ZDHHC3: variants seen among roughly 807,000 people sequenced by gnomAD.
ZDHHC3 encodes zDHHC palmitoyltransferase 3.
ZDHHC3 carries 9 observed loss-of-function variants against 30.6 expected under a neutral mutation model. The ratio of observed to expected loss-of-function variants is 0.29; its 90% CI spans 0.18 to 0.51. The LOEUF is 0.51. ZDHHC3 is among the 20% of genes least tolerant of loss of function. ZDHHC3 has a pLI of 0.97. For synonymous variants in ZDHHC3, 136 were observed against 140.2 expected (o/e 0.97, Z 0.21); for missense variants, 246 against 384.2 (o/e 0.64, Z 3.01).
In ZDHHC3 at chr3:44,962,638, C is replaced by A. The variant is rs539534859; in HGVS notation, c.-24-3178G>T. Among the ~76,000 whole-genome samples the A allele has an allele frequency of 1.1e-4, 17 of 152,298 alleles. No individual in the cohort carries two copies. In the South Asian group the frequency reaches 3.5e-3, roughly 32 times the overall value. ...TATTTAGAGTTATTACCAGGAACAT[C>A]ACCTACTGGAGTGTGTTAGGTAATG... On this transcript the variant is annotated intron_variant, in intron 1 of 6. Coordinates refer to ENST00000424952, the MANE Select transcript of ZDHHC3 (RefSeq NM_001135179.2).
chr3:44,917,951 CCATT>C lies in ZDHHC3; in HGVS notation c.*8734_*8737del. 1 of 1,305,366 alleles carries C rather than the reference CCATT, an allele frequency of 7.7e-7. No individual in the cohort carries two copies. The highest frequency in any genetic ancestry group is 1.2e-5 in the South Asian group (1 of 81,030). 80.9% of individuals were successfully genotyped at this position (1,305,366 alleles called of 1,614,324 possible). ...TCCTTTGTCTCCTCTGATGGATCCTCCATTGTTTCGGTGTCTGACAGCGATGTCA... is the reference window on the plus strand; with the variant it reads ...TCCTTTGTCTCCTCTGATGGATCCTCGTTTCGGTGTCTGACAGCGATGTCA... On this transcript the variant is annotated 3_prime_UTR_variant, in exon 7 of 7. Transcript: ENST00000424952.
intron 1 of ZDHHC3, among the ~76,000 whole-genome samples, chr3:44,962,621 G>A (rs186047272): frequency 6.6e-6 from 1 of 152,242 alleles, no homozygotes; most frequent in Admixed American, 6.5e-5. Flanking sequence ...TTTATTTAGA[G>A]TTATTACCAG....
At chr3:44,952,016 C>A (rs1004209202) in intron 2 of ZDHHC3, among the ~76,000 whole-genome samples, 1 of 152,214 alleles carries the variant, frequency 6.6e-6, no homozygotes, top group African/African-American at 2.4e-5. Flanking sequence ...TCTACTTCCA[C>A]CATCACTCGG....
chr3:44,931,046 T>C (rs1348507604), intron 5 of ZDHHC3, among the ~76,000 whole-genome samples: 1 of 152,200 alleles, frequency 6.6e-6, no homozygotes, highest in Admixed American at 6.5e-5. Flanking sequence ...GTTTGATAGG[T>C]GCCTCTCCCA....
At position 44,920,036 on chromosome 3, in the gene ZDHHC3, G is replaced by A. The variant is rs1235312789; in HGVS notation, c.*6653C>T. ...TGACATTAGAACATTTGTCTGAGTG[G>A]TTACTTTTGGGGATGGAATTCTAGA... On this transcript the variant is annotated 3_prime_UTR_variant, in exon 7 of 7. Coordinates refer to ENST00000424952, the MANE Select transcript of ZDHHC3 (RefSeq NM_001135179.2). The A allele has an allele frequency of 9.4e-6, 11 of 1,175,946 alleles. No homozygotes were observed. Among genetic ancestry groups the A allele is most frequent in the African/African-American group, 3.2e-5 (2 of 62,390 alleles). The allele number at this position is 1,175,946 out of a possible 1,614,324, so 72.8% of individuals were successfully genotyped here. A position where few individuals can be genotyped will look rare whatever the true frequency, so the allele number is the denominator to read the frequency against.
At chr3:44,929,882 T>G (rs1411766292) in intron 5 of ZDHHC3, among the ~76,000 whole-genome samples, 4 of 152,318 alleles carry the variant, frequency 2.6e-5, no homozygotes, top group African/African-American at 9.6e-5. Context: ...CATTCCTGTA[T>G]GACGTGCTGC....
intron 1 of ZDHHC3, among the ~76,000 whole-genome samples, chr3:44,972,739 G>A (rs1438954299): frequency 1.3e-5 from 2 of 152,202 alleles, no homozygotes; most frequent in Non-Finnish European, 2.9e-5. Flanking sequence ...TCATGCAGTA[G>A]TTCGAGGTCC....
At position 44,925,897 on chromosome 3, in the gene ZDHHC3, AC is replaced by A. The variant is rs1260307931; in HGVS notation, c.*791del. The A allele has an allele frequency of 1.0e-6, 1 of 985,662 alleles. No individual in the cohort carries two copies. Among genetic ancestry groups the A allele is most frequent in the Non-Finnish European group, 1.2e-6 (1 of 829,930 alleles). The allele number at this position is 985,662 out of a possible 1,614,324, so 61.1% of individuals were successfully genotyped here. A position where few individuals can be genotyped will look rare whatever the true frequency, so the allele number is the denominator to read the frequency against. Reference sequence around the variant, plus strand: ...GAGGAAGCAGATGAAACAAAGGAAAACGTAGCTTGCCTGAAATTGTGTAATT... The same window carrying A: ...GAGGAAGCAGATGAAACAAAGGAAAAGTAGCTTGCCTGAAATTGTGTAATT... On this transcript the variant is annotated 3_prime_UTR_variant, in exon 7 of 7. Transcript: ENST00000424952.
intron 5 of ZDHHC3, among the ~76,000 whole-genome samples, chr3:44,930,610 G>A (rs991060824): frequency 2.0e-5 from 3 of 152,236 alleles, no homozygotes; most frequent in African/African-American, 4.8e-5. Context: ...GCTCCCCCAC[G>A]GGAATGTCAG....
chr3:44,932,241 C>G (rs1011180969), intron 5 of ZDHHC3, among the ~76,000 whole-genome samples: 1 of 152,100 alleles, frequency 6.6e-6, no homozygotes, highest in African/African-American at 2.4e-5. Flanking sequence ...GCAAGTTCTG[C>G]ACATACCCAC....
intron 1 of ZDHHC3, among the ~76,000 whole-genome samples, chr3:44,973,940 C>T (rs571667295): frequency 6.6e-6 from 1 of 152,302 alleles, no homozygotes; most frequent in African/African-American, 2.4e-5. Flanking sequence ...CGGTTTAATA[C>T]TGTGCCATCC....
intron 1 of ZDHHC3, among the ~76,000 whole-genome samples, chr3:44,969,120 C>T (rs1575957747): frequency 1.3e-5 from 2 of 152,212 alleles, no homozygotes; most frequent in African/African-American, 4.8e-5. Flanking sequence ...TTGCCGATGA[C>T]GGTGATACTC....
chr3:44,953,408 G>A (rs1303310528), intron 2 of ZDHHC3, among the ~76,000 whole-genome samples: 1 of 152,176 alleles, frequency 6.6e-6, no homozygotes, highest in African/African-American at 2.4e-5. Flanking sequence ...TACTAAGGCT[G>A]TTTCAATAAG....
chr3:44,937,974 C>T, intron 3 of ZDHHC3: 4 of 439,596 alleles, frequency 9.1e-6, no homozygotes, highest in Admixed American at 5.1e-5. Context: ...AAATGTTAAA[C>T]ACAGCGGAAA....
intron 2 of ZDHHC3, among the ~76,000 whole-genome samples, chr3:44,947,653 C>T (rs1703066514): frequency 6.6e-6 from 1 of 152,196 alleles, no homozygotes. Flanking sequence ...GATGCCTAGA[C>T]TCTTATGCAG....
At chr3:44,962,329 C>A (rs1013748791) in intron 1 of ZDHHC3, among the ~76,000 whole-genome samples, 13 of 152,074 alleles carry the variant, frequency 8.5e-5, no homozygotes, top group African/African-American at 2.9e-4. Context: ...GTATTTATGA[C>A]AATGATTCGA....
intron 1 of ZDHHC3, among the ~76,000 whole-genome samples, chr3:44,972,395 G>A (rs1031254450): frequency 1.3e-5 from 2 of 152,186 alleles, no homozygotes; most frequent in African/African-American, 2.4e-5. Flanking sequence ...CCCAGGAGGC[G>A]GAGGTTGCGG....
chr3:44,972,884 G>A (rs1228806680), intron 1 of ZDHHC3, among the ~76,000 whole-genome samples: 3 of 152,158 alleles, frequency 2.0e-5, no homozygotes, highest in Non-Finnish European at 4.4e-5. Flanking sequence ...CTAGATATCT[G>A]AGTATGGCAT....
chr3:44,926,527 C>CA lies in ZDHHC3; in HGVS notation c.*161_*162insT. Reference sequence around the variant, plus strand: ...GTTTTTAAAAAATAAAATGTGGGGACTTTTTTTTTTCTCTGCAATGCTCAG... The same window carrying CA: ...GTTTTTAAAAAATAAAATGTGGGGACATTTTTTTTTTCTCTGCAATGCTCAG... On this transcript the variant is annotated 3_prime_UTR_variant, in exon 7 of 7. Coordinates refer to ENST00000424952, the MANE Select transcript of ZDHHC3 (RefSeq NM_001135179.2). The CA allele has an allele frequency of 8.3e-7, 1 of 1,205,460 alleles. No homozygotes were observed. The highest frequency in any genetic ancestry group is 1.6e-5 in the African/African-American group (1 of 62,956). 74.7% of individuals were successfully genotyped at this position (1,205,460 alleles called of 1,614,324 possible).
Sources: gnomAD v4.1 joint callset for allele counts (sites outside exome capture counted in the v4.1 genomes callset) on GRCh38, gnomAD v4.1.1 for gene constraint, MANE v1.5 for transcripts, NCBI Gene and HGNC (gene_info 2026-07-23, HGNC 2026-07-21) for gene names.